Variants in HS3ST5 observed in about 807,000 individuals in gnomAD.
HS3ST5 encodes heparan sulfate-glucosamine 3-sulfotransferase 5, also known as heparan sulfate glucosamine 3-O-sulfotransferase 5.
HS3ST5 carries 10 observed loss-of-function variants against 25.4 expected under a neutral mutation model. That is an observed-to-expected ratio of 0.39 (90% CI 0.24 to 0.67). The LOEUF is 0.67. Ranked by LOEUF, HS3ST5 falls within the 30% of genes least tolerant of loss-of-function variation. The pLI, the probability that HS3ST5 is intolerant of heterozygous loss-of-function variation, is 0.44. For missense variants in HS3ST5, 324 were observed against 420.7 expected, an observed-to-expected ratio of 0.77 and a Z score of 2.01; for synonymous variants, 170 against 162.4, an observed-to-expected ratio of 1.05 and a Z score of -0.36.
In HS3ST5 at chr6:114,326,230, A is replaced by T. The variant is rs983201853; in HGVS notation, c.-339+15965T>A. On this transcript the variant is annotated intron_variant, in intron 1 of 4. Coordinates refer to ENST00000312719, the MANE Select transcript of HS3ST5 (RefSeq NM_153612.4). ...ATGGCAAAACCCCATCTCTACTAAA[A>T]ATATAAAAAATTAGCGGGGCATGGT... is the stretch of plus-strand genomic sequence containing the variant. Among the ~76,000 whole-genome samples, 4 of 152,192 alleles carry T rather than the reference A, an allele frequency of 2.6e-5. No individual in the cohort carries two copies. The South Asian group carries it at 8.3e-4, about 32-fold the overall frequency.
intron 3 of HS3ST5, among the ~76,000 whole-genome samples, chr6:114,161,756 T>G (rs1053361908): frequency 1.1e-4 from 16 of 145,560 alleles, no homozygotes; most frequent in African/African-American, 3.7e-4. Flanking sequence ...TCACCCTACT[T>G]TGGATAAATC....
At chr6:114,341,258 A>AGAGAGAGAGAGAGAGT (rs1562281461) in intron 1 of HS3ST5, among the ~76,000 whole-genome samples, 8 of 147,958 alleles carry the variant, frequency 5.4e-5, no homozygotes, top group African/African-American at 2.0e-4. Flanking sequence ...AGAGAGAGAG[A>AGAGAGAGAGAGAGAGT]GAGTGAGTCC....
chr6:114,100,280 C>T (rs530997441), intron 3 of HS3ST5, among the ~76,000 whole-genome samples: 15 of 152,116 alleles, frequency 9.9e-5, no homozygotes, highest in South Asian at 4.1e-4. Flanking sequence ...ACGTTCTCCA[C>T]GCAGAGATTG....
intron 3 of HS3ST5, among the ~76,000 whole-genome samples, chr6:114,070,509 T>A (rs943604289): frequency 6.6e-6 from 1 of 152,186 alleles, no homozygotes. Context: ...TTTCTCTCCA[T>A]AACTCAAGAA....
intron 2 of HS3ST5, among the ~76,000 whole-genome samples, chr6:114,194,424 G>T (rs1158108625): frequency 6.6e-6 from 1 of 152,132 alleles, no homozygotes; most frequent in African/African-American, 2.4e-5. Flanking sequence ...ACTTTGTCAC[G>T]TTGTAGTCTC....
At chr6:114,145,253 C>CT (rs1198824007) in intron 3 of HS3ST5, among the ~76,000 whole-genome samples, 1 of 152,206 alleles carries the variant, frequency 6.6e-6, no homozygotes, top group African/African-American at 2.4e-5. Flanking sequence ...CAAAGACTGC[C>CT]TTGCTAAAAC....
At position 114,262,093 on chromosome 6, in the gene HS3ST5, A is replaced by T. The variant is rs534093307; in HGVS notation, c.-338-33315T>A. On this transcript the variant is annotated intron_variant, in intron 1 of 4. Coordinates refer to ENST00000312719, the MANE Select transcript of HS3ST5 (RefSeq NM_153612.4). ...AAGCATTGAAATTTCTCTATTTTGC[A>T]CATCCTACTTTGCAGATTATTCATC... 1.4e-3 allele frequency among the ~76,000 whole-genome samples: 213 copies of T among 152,312 alleles called. 1 individual carries two copies. The highest frequency in any genetic ancestry group is 5.1e-3 in the African/African-American group (210 of 41,580).
intron 3 of HS3ST5, among the ~76,000 whole-genome samples, chr6:114,088,129 T>G (rs1299742759): frequency 6.6e-6 from 1 of 152,236 alleles, no homozygotes; most frequent in Non-Finnish European, 1.5e-5. Flanking sequence ...TTTTTACTTT[T>G]TCTAATGAGG....
At chr6:114,226,215 A>G (rs930946522) in intron 2 of HS3ST5, among the ~76,000 whole-genome samples, 4 of 152,016 alleles carry the variant, frequency 2.6e-5, no homozygotes, top group Admixed American at 2.6e-4. Context: ...TACAAGAAAT[A>G]AAGAATCTTT....
At chr6:114,144,652 A>G (rs1275408278) in intron 3 of HS3ST5, among the ~76,000 whole-genome samples, 1 of 152,214 alleles carries the variant, frequency 6.6e-6, no homozygotes, top group Non-Finnish European at 1.5e-5. Flanking sequence ...AGATTGTTTT[A>G]AACATATTTT....
chr6:114,061,998 A>G (rs1226969765), intron 4 of HS3ST5, among the ~76,000 whole-genome samples: 2 of 152,164 alleles, frequency 1.3e-5, no homozygotes, highest in Non-Finnish European at 2.9e-5. Flanking sequence ...CATTTCAGAA[A>G]TTAACTTCTC....
At chr6:114,202,184 G>A (rs1781051701) in intron 2 of HS3ST5, among the ~76,000 whole-genome samples, 1 of 152,132 alleles carries the variant, frequency 6.6e-6, no homozygotes, top group South Asian at 2.1e-4. Context: ...ACTTTGAGAG[G>A]TTGAGGAGCA....
chr6:114,170,327 AT>A (rs1562224423), intron 2 of HS3ST5, among the ~76,000 whole-genome samples: 1 of 152,090 alleles, frequency 6.6e-6, no homozygotes, highest in South Asian at 2.1e-4. Flanking sequence ...TTATAAAATG[AT>A]TTTTTGAGTG....
At chr6:114,113,290 T>C (rs777217673) in intron 3 of HS3ST5, among the ~76,000 whole-genome samples, 4 of 152,150 alleles carry the variant, frequency 2.6e-5, no homozygotes, top group Non-Finnish European at 4.4e-5. Flanking sequence ...TCTTCACCCA[T>C]AATCTTCAAA....
At chr6:114,167,276 T>G (rs1366362800) in intron 3 of HS3ST5, among the ~76,000 whole-genome samples, 1 of 152,170 alleles carries the variant, frequency 6.6e-6, no homozygotes, top group Non-Finnish European at 1.5e-5. Context: ...TCTGCTTCCT[T>G]TAGTATTTTT....
At chr6:114,084,854 A>C in intron 3 of HS3ST5, 1 of 547,038 alleles carries the variant, frequency 1.8e-6, no homozygotes, top group Non-Finnish European at 3.2e-6. Flanking sequence ...TTTTTTTGAG[A>C]CGGAGTCTCC....
In HS3ST5 at chr6:114,058,052, G is replaced by A; in HGVS notation, c.246C>T (p.Arg82=). The A allele has an allele frequency of 6.2e-7, 1 of 1,614,172 alleles. No individual in the cohort carries two copies. The highest frequency in any genetic ancestry group is 8.5e-7 in the Non-Finnish European group (1 of 1,180,018). The change falls in exon 5 of 5, where the codon CGC becomes CGT. Residue 82 remains arginine, a synonymous_variant. Transcript: ENST00000312719. ...RKGNASKEQV[R]LHDLVQQLPK... The stretch of plus-strand genomic sequence containing the variant: ...GGAGCTGCTGGACCAGGTCATGGAG[G>A]CGAACCTGCTCCTTGGAAGCGTTGC...
At chr6:114,256,201 A>T (rs1772905404) in intron 1 of HS3ST5, among the ~76,000 whole-genome samples, 1 of 152,092 alleles carries the variant, frequency 6.6e-6, no homozygotes, top group African/African-American at 2.4e-5. Flanking sequence ...ATCTTGGCTA[A>T]CACAGTGAAA....
In HS3ST5 at chr6:114,055,738, G is replaced by A. The variant is rs1396610787; in HGVS notation, c.*1519C>T. 2.0e-5 allele frequency: 3 copies of A among 152,110 alleles called. No individual in the cohort carries two copies. The highest frequency in any genetic ancestry group is 2.9e-5 in the Non-Finnish European group (2 of 68,032). 9.4% of individuals were successfully genotyped at this position (152,110 alleles called of 1,614,324 possible). A position where few individuals can be genotyped will look rare whatever the true frequency, so the allele number is the denominator to read the frequency against. Reference sequence around the variant, plus strand: ...TGATTTCCCTAGGCACTCTCACTGTGATGTTGAACAAAACTCTCTCAAACA... The same window carrying A: ...TGATTTCCCTAGGCACTCTCACTGTAATGTTGAACAAAACTCTCTCAAACA... On this transcript the variant is annotated 3_prime_UTR_variant, in exon 5 of 5. Coordinates refer to ENST00000312719, the MANE Select transcript of HS3ST5 (RefSeq NM_153612.4).
Sources: allele counts gnomAD v4.1 joint callset (sites outside exome capture counted in the v4.1 genomes callset), GRCh38; gene constraint gnomAD v4.1.1; transcripts MANE v1.5; gene names NCBI Gene and HGNC (gene_info 2026-07-23, HGNC 2026-07-21).